The following KCTD18 variants were observed in gnomAD, a reference collection of about 807,000 sequenced individuals.
The protein encoded by KCTD18 is BTB/POZ domain-containing protein KCTD18.
Under a neutral mutation model 30.4 loss-of-function variants are expected in KCTD18, and 22 were observed. The ratio of observed to expected loss-of-function variants is 0.72; its 90% CI spans 0.52 to 1.03. KCTD18 has a LOEUF of 1.03. Among genes scored for constraint, KCTD18 ranks in the 50% least tolerant of loss-of-function variants. The pLI is 0.00. For synonymous variants in KCTD18, 186 were observed against 209.0 expected (o/e 0.89, Z 0.95); for missense variants, 529 against 547.6 (o/e 0.97, Z 0.34).
At position 200,495,313 on chromosome 2, in the gene KCTD18, C is replaced by A. The variant is rs983380907; in HGVS notation, c.662-2039G>T. On this transcript the variant is annotated intron_variant, in intron 5 of 6. Transcript: ENST00000359878. ...ATAACTTTAATCGCTTTATTATATT[C>A]CATTCTGTGGATGTGCCAAAATATA... Among the ~76,000 whole-genome samples the A allele has an allele frequency of 2.0e-5, 3 of 152,106 alleles. No homozygotes were observed. In the South Asian group the frequency reaches 6.2e-4, roughly 31 times the overall value.
intron 3 of KCTD18, among the ~76,000 whole-genome samples, chr2:200,503,550 G>A (rs558064994): frequency 1.3e-5 from 2 of 152,308 alleles, no homozygotes; most frequent in Admixed American, 6.5e-5. Flanking sequence ...TTACAGAGCT[G>A]AGACTTCTGA....
rs780719949 is a variant in KCTD18 at position 200,490,494 on chromosome 2, G to C, written c.887C>G (p.Thr296Arg). Reference protein sequence around the residue: ...QIKVKNSASVTVSPASAIQTS... With the variant: ...QIKVKNSASVRVSPASAIQTS... ...CTGGATGGCACTGGCTGGAGACACCGTGACTGAGGCCGAGTTCTTGACTTT... is the reference window on the plus strand; with the variant it reads ...CTGGATGGCACTGGCTGGAGACACCCTGACTGAGGCCGAGTTCTTGACTTT... Residue 296 changes from threonine to arginine, a missense_variant, in exon 7 of 7, where the codon ACG becomes AGG. Transcript: ENST00000359878. 6.2e-7 allele frequency: 1 copy of C among 1,611,244 alleles called. No individual in the cohort carries two copies. Among genetic ancestry groups the C allele is most frequent in the Admixed American group, 1.7e-5 (1 of 60,008 alleles).
chr2:200,499,654 G>A (rs4429454), intron 3 of KCTD18, among the ~76,000 whole-genome samples: 151,272 of 151,320 alleles, frequency 1, 75,612 homozygotes, highest in Non-Finnish European at 1. Flanking sequence ...ACCAACCAAA[G>A]AGAGTCCAGG....
In KCTD18 at chr2:200,498,940, T is replaced by C. The variant is rs770735683; in HGVS notation, c.517A>G (p.Ile173Val). 1.2e-5 allele frequency: 19 copies of C among 1,614,068 alleles called. No homozygotes were observed. The highest frequency in any genetic ancestry group is 3.3e-5 in the South Asian group (3 of 91,040). The change falls in exon 4 of 7, where the codon ATT becomes GTT. Residue 173 changes from isoleucine to valine, a missense_variant. Coordinates refer to ENST00000359878, the MANE Select transcript of KCTD18 (RefSeq NM_152387.4). ...ATTCTTCCTCCCAGCTGCTTTTCAA[T>C]AGCGTCTGTTCCATCAGTTTTTGTG... ...YATKTDGTDA[I>V]EKQLGGRIHS...
intron 3 of KCTD18, 63 bp from the exon 4 acceptor site, chr2:200,499,147 C>A: frequency 8.7e-7 from 1 of 1,153,778 alleles, no homozygotes. Context: ...AATGAATATG[C>A]TCCATTACTT....
chr2:200,506,898 G>C lies in KCTD18; in HGVS notation c.119C>G (p.Ser40Cys), dbSNP rs1161033051. 1 of 1,614,024 alleles carries C rather than the reference G, an allele frequency of 6.2e-7. No individual in the cohort carries two copies. Among genetic ancestry groups the C allele is most frequent in the Non-Finnish European group, 8.5e-7 (1 of 1,179,972 alleles). Residue 40 changes from serine to cysteine, a missense_variant, in exon 2 of 7, where the codon TCT (serine) becomes TGT (cysteine). By Grantham distance (112) the Ser-to-Cys change is moderately radical (BLOSUM62 -1). Transcript: ENST00000359878. ...LCRFKDSMLA[S>C]MFSGRFPLKT... ...TAGAGGAAAGCGACCACTGAACATA[G>C]ATGCCAACATGGAGTCCTTGAAGCG...
chr2:200,496,710 T>G (rs2088002972), intron 5 of KCTD18: 1 of 152,248 alleles, frequency 6.6e-6, no homozygotes, highest in Admixed American at 6.5e-5. Context: ...GTCATGCTGG[T>G]CTCAAACTCC....
Position 200,499,033 on chromosome 2 carries a change from C to G in KCTD18, c.424G>C (p.Val142Leu). Residue 142 changes from valine (V) to leucine (L), a missense_variant, in exon 4 of 7, where the codon GTT becomes CTT. By Grantham distance (32) the Val-to-Leu change is conservative. Coordinates refer to ENST00000359878, the MANE Select transcript of KCTD18 (RefSeq NM_152387.4). The part of the protein sequence containing the change: ...SYGLVCNKPT[V>L]WVLHYLNTSG... ...GTGTTAAGATAGTGGAGAACCCAAA[C>G]TGTTGGTTTATTGCAGACTAAGCCA... The G allele has an allele frequency of 6.2e-7, 1 of 1,614,036 alleles. No homozygotes were observed. Among genetic ancestry groups the G allele is most frequent in the Non-Finnish European group, 8.5e-7 (1 of 1,179,954 alleles).
chr2:200,503,053 A>G (rs1428517382), intron 3 of KCTD18, among the ~76,000 whole-genome samples: 1 of 151,198 alleles, frequency 6.6e-6, no homozygotes, highest in African/African-American at 2.4e-5. Flanking sequence ...AAAAAAAAAA[A>G]GAAGTGCCAC....
At chr2:200,490,891 A>G (rs1041821032) in intron 6 of KCTD18, among the ~76,000 whole-genome samples, 1 of 152,218 alleles carries the variant, frequency 6.6e-6, no homozygotes, top group Admixed American at 6.5e-5. Flanking sequence ...TAAGAATACA[A>G]TATATCACCC....
chr2:200,502,748 G>A (rs1306674135), intron 3 of KCTD18, among the ~76,000 whole-genome samples: 2 of 152,184 alleles, frequency 1.3e-5, no homozygotes, highest in South Asian at 2.1e-4. Context: ...AGTGCCACCA[G>A]GACCGGGTGC....
At chr2:200,509,169 C>T (rs1406351726) in intron 1 of KCTD18, among the ~76,000 whole-genome samples, 3 of 152,160 alleles carry the variant, frequency 2.0e-5, no homozygotes, top group African/African-American at 4.8e-5. Context: ...ATGGGAATTA[C>T]TGTCCCTGTT....
intron 6 of KCTD18, among the ~76,000 whole-genome samples, chr2:200,491,279 T>G (rs1464135395): frequency 1.3e-5 from 2 of 152,226 alleles, no homozygotes; most frequent in Non-Finnish European, 1.5e-5. Context: ...TCCCTTCACC[T>G]TCTGCCATGA....
intron 1 of KCTD18, among the ~76,000 whole-genome samples, chr2:200,507,409 CT>C (rs1181770606): frequency 2.0e-5 from 3 of 152,172 alleles, no homozygotes; most frequent in Non-Finnish European, 4.4e-5. Flanking sequence ...ATTCACATAT[CT>C]TTTTAACCAT....
At position 200,489,443 on chromosome 2, in the gene KCTD18, A is replaced by C. The variant is rs1404943527; in HGVS notation, c.*657T>G. ...AAAGATATTATATAATTCTGATCCC[A>C]AGAGATCTTCTTGTGGTGTTTATAA... On this transcript the variant is annotated 3_prime_UTR_variant, in exon 7 of 7. Coordinates refer to ENST00000359878, the MANE Select transcript of KCTD18 (RefSeq NM_152387.4). 6.6e-6 allele frequency: 1 copy of C among 152,272 alleles called. No individual in the cohort carries two copies. The highest frequency in any genetic ancestry group is 1.5e-5 in the Non-Finnish European group (1 of 68,038). The allele number at this position is 152,272 out of a possible 1,614,324, so 9.4% of individuals were successfully genotyped here. A position where few individuals can be genotyped will look rare whatever the true frequency, so the allele number is the denominator to read the frequency against.
rs569636252 is a variant in KCTD18, at chr2:200,504,933, G to T, written c.187C>A (p.Arg63Ser). 1.9e-6 allele frequency: 3 copies of T among 1,613,736 alleles called. No homozygotes were observed. Among genetic ancestry groups the T allele is most frequent in the Non-Finnish European group, 2.5e-6 (3 of 1,179,856 alleles). Residue 63 changes from arginine to serine, a missense_variant, in exon 3 of 7, where the codon CGT becomes AGT. Coordinates refer to ENST00000359878, the MANE Select transcript of KCTD18 (RefSeq NM_152387.4). ...TAATCCAAAAGGTATTTAAATAGAC[G>T]TCCATCACGGTCAATAACACAAGCC... Reference protein sequence around the residue: ...SGACVIDRDGRLFKYLLDYLH... With the variant: ...SGACVIDRDGSLFKYLLDYLH...
chr2:200,503,233 G>A (rs2029971270), intron 3 of KCTD18, among the ~76,000 whole-genome samples: 1 of 152,098 alleles, frequency 6.6e-6, no homozygotes, highest in African/African-American at 2.4e-5. Flanking sequence ...TGACACAAAC[G>A]AGATGCCTAG....
At chr2:200,503,754 C>T (rs1320527923) in intron 3 of KCTD18, among the ~76,000 whole-genome samples, 3 of 152,204 alleles carry the variant, frequency 2.0e-5, no homozygotes, top group African/African-American at 7.2e-5. Context: ...TAATAACCAA[C>T]CACCCATCAG....
At position 200,502,883 on chromosome 2, in the gene KCTD18, A is replaced by C. The variant is rs1345532476; in HGVS notation, c.372+1865T>G. On this transcript the variant is annotated intron_variant, in intron 3 of 6. Transcript: ENST00000359878. ...CTGTCTCTACTAAAAATACAAAATT[A>C]GCTGGGCGTGGTGGCACATGCCTGT... is the stretch of plus-strand genomic sequence containing the variant. Among the ~76,000 whole-genome samples the C allele has an allele frequency of 2.6e-5, 4 of 152,122 alleles. No individual in the cohort carries two copies. The East Asian group carries it at 7.7e-4, about 29-fold the overall frequency.
Sources: gnomAD v4.1 joint callset for allele counts (sites outside exome capture counted in the v4.1 genomes callset) on GRCh38, gnomAD v4.1.1 for gene constraint, MANE v1.5 for transcripts, NCBI Gene and HGNC (gene_info 2026-07-23, HGNC 2026-07-21) for gene names.